Variants in KCNK17 observed in about 807,000 individuals in gnomAD.
The protein encoded by KCNK17 is potassium channel subfamily K member 17.
In KCNK17, 27 loss-of-function variants were observed where a neutral mutation model predicts 24.6. The ratio of observed to expected loss-of-function variants is 1.10; its 90% CI spans 0.81 to 1.51. KCNK17 has a LOEUF of 1.51. Among genes scored for constraint, KCNK17 ranks in the 40% most tolerant of loss-of-function variants. The pLI, the probability that KCNK17 is intolerant of heterozygous loss-of-function variation, is 0.00. For missense variants in KCNK17, 450 were observed against 436.6 expected, an observed-to-expected ratio of 1.03 and a Z score of -0.27; for synonymous variants, 181 against 189.8, an observed-to-expected ratio of 0.95 and a Z score of 0.38.
Position 39,314,177 on chromosome 6 carries a change from C to A in KCNK17, c.144G>T (p.Ala48=). ...GCTGGAAGCTGCGGCTGGAGTCCTGCGCCGCGCGGCCCTCCAGCGTCCAGA... is the reference window on the plus strand; with the variant it reads ...GCTGGAAGCTGCGGCTGGAGTCCTGAGCCGCGCGGCCCTCCAGCGTCCAGA... ...GVFWTLEGRA[A]QDSSRSFQRD... Residue 48 remains alanine, a synonymous_variant, in exon 1 of 5, where the codon GCG becomes GCT. Transcript: ENST00000373231. The A allele has an allele frequency of 1.9e-6, 3 of 1,558,970 alleles. No individual in the cohort carries two copies. The highest frequency in any genetic ancestry group is 1.4e-5 in the African/African-American group (1 of 73,898).
intron 4 of KCNK17, 91 bp from the exon 5 acceptor site, chr6:39,299,828 A>G (rs1465708285): frequency 7.3e-7 from 1 of 1,370,032 alleles, no homozygotes; most frequent in Admixed American, 1.9e-5. Context: ...TTTGATTCAT[A>G]TAAGCAAGTT....
chr6:39,311,216 C>A (rs1015866877), intron 1 of KCNK17, among the ~76,000 whole-genome samples: 4 of 152,070 alleles, frequency 2.6e-5, no homozygotes, highest in African/African-American at 9.7e-5. Context: ...TCACCAGGTA[C>A]AGCTACTGAC....
intron 1 of KCNK17, 128 bp from the exon 2 acceptor site, chr6:39,311,135 C>T (rs1400917482): frequency 1.7e-6 from 1 of 589,954 alleles, no homozygotes. Context: ...AACCTACACA[C>T]ACAGCCCTCA....
At chr6:39,312,623 C>T (rs552631410) in intron 1 of KCNK17, among the ~76,000 whole-genome samples, 31 of 152,322 alleles carry the variant, frequency 2.0e-4, no homozygotes, top group African/African-American at 7.5e-4. Flanking sequence ...AAACAGTACC[C>T]ACCTGTGAGG....
intron 1 of KCNK17, among the ~76,000 whole-genome samples, 163 bp from the exon 2 acceptor site, chr6:39,311,170 C>T (rs1322962102): frequency 2.0e-5 from 3 of 151,956 alleles, no homozygotes; most frequent in African/African-American, 7.3e-5. Context: ...TCCCAGCCCA[C>T]CAGGGCAAGG....
intron 3 of KCNK17, 27 bp from the exon 4 acceptor site, chr6:39,304,158 C>G: frequency 6.3e-7 from 1 of 1,597,242 alleles, no homozygotes; most frequent in Non-Finnish European, 8.5e-7. Context: ...GTCCCCAGGC[C>G]TCCTGAGGCC....
At position 39,314,140 on chromosome 6, in the gene KCNK17, C is replaced by T. The variant is rs61748648; in HGVS notation, c.181G>A (p.Glu61Lys). 5.0e-3 allele frequency: 8,039 copies of T among 1,592,368 alleles called. 24 individuals carry two copies. The highest frequency in any genetic ancestry group is 5.2e-3 in the Non-Finnish European group (6,106 of 1,172,562). The change falls in exon 1 of 5, where the codon GAG becomes AAG. Residue 61 changes from glutamate to lysine, a missense_variant. Glu to Lys is a moderately conservative substitution (Grantham distance 56). Transcript: ENST00000373231. ...AGACACGTGAAGTTCTGCAACAGCT[C>T]CCACTTGTCGCGCTGGAAGCTGCGG... is the stretch of plus-strand genomic sequence containing the variant. The part of the protein sequence containing the change: ...SSRSFQRDKW[E>K]LLQNFTCLDR...
At chr6:39,313,959 C>T in intron 1 of KCNK17, 125 bp downstream of exon 1, 1 of 725,204 alleles carries the variant, frequency 1.4e-6, no homozygotes, top group Non-Finnish European at 2.1e-6. Context: ...TCTGCGTTCC[C>T]GACGTTTCCC....
intron 2 of KCNK17, among the ~76,000 whole-genome samples, chr6:39,307,723 C>G (rs953865712): frequency 2.0e-5 from 3 of 152,228 alleles, no homozygotes; most frequent in Admixed American, 2.0e-4. Context: ...ACCCAAGCCA[C>G]CTTTCACTTC....
rs1409541137 is a variant in KCNK17 at position 39,314,070 on chromosome 6, C to A, written c.237+14G>T. 1 of 1,551,802 alleles carries A rather than the reference C, an allele frequency of 6.4e-7. No homozygotes were observed. The highest frequency in any genetic ancestry group is 2.4e-5 in the East Asian group (1 of 42,110). ...CATCCCGCCGCGCCCAGGCCGACGCCGCTCGCCCCTGACCCGGATCAGCGA... is the reference window on the plus strand; with the variant it reads ...CATCCCGCCGCGCCCAGGCCGACGCAGCTCGCCCCTGACCCGGATCAGCGA... On this transcript the variant is annotated intron_variant, in intron 1 of 4. Coordinates refer to ENST00000373231, the MANE Select transcript of KCNK17 (RefSeq NM_031460.4).
Position 39,310,880 on chromosome 6 carries a change from A to AAAAGGC in KCNK17, c.352+12_352+13insGCCTTT. On this transcript the variant is annotated intron_variant, in intron 2 of 4. Transcript: ENST00000373231. ...CCCCCACCCCCATCCCCCTGGCCCC[A>AAAAGGC]TCTGGCCCTTACCAATGGTGGTGAT... 9.8e-7 allele frequency: 1 copy of AAAAGGC among 1,017,562 alleles called. No homozygotes were observed. The highest frequency in any genetic ancestry group is 1.5e-6 in the Non-Finnish European group (1 of 688,164). The allele number at this position is 1,017,562 out of a possible 1,614,324, so 63.0% of individuals were successfully genotyped here.
chr6:39,313,731 CG>C (rs34350860), intron 1 of KCNK17, among the ~76,000 whole-genome samples: 25,153 of 151,844 alleles, frequency 0.17, 2,324 homozygotes, highest in South Asian at 0.32. Flanking sequence ...CGGGCGGGGC[CG>C]GTTACGCGCG....
intron 2 of KCNK17, 88 bp downstream of exon 2, chr6:39,310,805 A>C (rs1762118839): frequency 1.2e-6 from 1 of 816,918 alleles, no homozygotes; most frequent in East Asian, 2.7e-5. Flanking sequence ...ACTCCAGGTA[A>C]TCCCTCCAAA....
intron 3 of KCNK17, 133 bp from the exon 4 acceptor site, chr6:39,304,264 C>G: frequency 1.1e-6 from 1 of 915,876 alleles, no homozygotes; most frequent in East Asian, 2.6e-5. Context: ...TCTCCAGGTT[C>G]CCTGCCTGGA....
At chr6:39,300,289 T>C (rs1761929781) in intron 4 of KCNK17, 1 of 594,820 alleles carries the variant, frequency 1.7e-6, no homozygotes, top group Non-Finnish European at 3.0e-6. Flanking sequence ...CGCCCGGCTA[T>C]TTTTTTGTAT....
At chr6:39,304,204 C>T in intron 3 of KCNK17, 73 bp from the exon 4 acceptor site, 1 of 1,424,624 alleles carries the variant, frequency 7.0e-7, no homozygotes. Flanking sequence ...GAGCTGGAGG[C>T]AGGCCAGAGC....
intron 2 of KCNK17, among the ~76,000 whole-genome samples, chr6:39,305,023 G>C (rs1364120082): frequency 1.3e-5 from 2 of 152,344 alleles, no homozygotes; most frequent in African/African-American, 4.8e-5. Flanking sequence ...GGAGGGGGCA[G>C]AGCCTCCAGC....
intron 1 of KCNK17, among the ~76,000 whole-genome samples, chr6:39,313,305 T>C (rs1762185398): frequency 6.6e-6 from 1 of 152,174 alleles, no homozygotes; most frequent in Non-Finnish European, 1.5e-5. Flanking sequence ...CCCTGAACCC[T>C]GCCTTCAGCC....
intron 1 of KCNK17, among the ~76,000 whole-genome samples, chr6:39,313,228 C>T (rs549591639): frequency 6.6e-6 from 1 of 152,226 alleles, no homozygotes; most frequent in African/African-American, 2.4e-5. Context: ...GAACCCTCCC[C>T]GGCCTCCTCC....
Sources: gnomAD v4.1 joint callset for allele counts (sites outside exome capture counted in the v4.1 genomes callset) on GRCh38, gnomAD v4.1.1 for gene constraint, MANE v1.5 for transcripts, NCBI Gene and HGNC (gene_info 2026-07-23, HGNC 2026-07-21) for gene names.